Variants in HDAC5 observed in about 807,000 individuals in gnomAD.
HDAC5 encodes the protein antigen NY-CO-9.
Under a neutral mutation model 133.3 loss-of-function variants are expected in HDAC5, and 25 were observed. That is an observed-to-expected ratio of 0.19 (90% CI 0.14 to 0.26). HDAC5 has a LOEUF of 0.26. Among genes scored for constraint, HDAC5 ranks in the 10% least tolerant of loss-of-function variants. The probability of loss-of-function intolerance (pLI) is 1.00; values close to 1 mark genes in which losing one functional copy is unlikely to be tolerated. For synonymous variants in HDAC5, 589 were observed against 610.8 expected, an observed-to-expected ratio of 0.96 and a Z score of 0.53; for missense variants, 1,041 against 1,460.5, an observed-to-expected ratio of 0.71 and a Z score of 4.68.
chr17:44,087,638 T>A lies in HDAC5; in HGVS notation c.1658A>T (p.Glu553Val). The change falls in exon 13 of 27, where the codon GAG becomes GTG. Residue 553 changes from glutamate (E) to valine (V), a missense_variant. Physicochemically the swap from Glu to Val is moderately radical, Grantham distance 121. Coordinates refer to ENST00000682912, the MANE Select transcript of HDAC5 (RefSeq NM_005474.5). ...RQPTTHPEET[E>V]EELTEQQEVL... ...CTCCTGCTGCTCCGTCAGCTCCTCC[T>A]CTGTCTCCTCAGGGTGGGTGGTGGG... 6.2e-7 allele frequency: 1 copy of A among 1,613,196 alleles called. No individual in the cohort carries two copies. The highest frequency in any genetic ancestry group is 8.5e-7 in the Non-Finnish European group (1 of 1,179,550).
At chr17:44,091,928 C>T (rs761101487) in intron 9 of HDAC5, 97 bp from the exon 10 acceptor site, 24 of 1,386,832 alleles carry the variant, frequency 1.7e-5, no homozygotes, top group African/African-American at 4.3e-5. Flanking sequence ...CTGAATGGTG[C>T]CCAGTTCCCT....
At chr17:44,093,001 G>A (rs2051038892) in intron 6 of HDAC5, 91 bp downstream of exon 6, 1 of 894,440 alleles carries the variant, frequency 1.1e-6, no homozygotes, top group African/African-American at 1.7e-5. Context: ...GCCCGTATAT[G>A]GGCACGGGGA....
At chr17:44,092,052 T>G in intron 9 of HDAC5, 120 bp downstream of exon 9, 1 of 973,886 alleles carries the variant, frequency 1.0e-6, no homozygotes, top group South Asian at 1.6e-5. Context: ...AGCCTATTCA[T>G]GTGGGCAGAG....
chr17:44,086,504 T>G, intron 14 of HDAC5, 68 bp downstream of exon 14: 1 of 1,227,888 alleles, frequency 8.1e-7, no homozygotes, highest in Non-Finnish European at 1.0e-6. Context: ...CCCCCTGCCA[T>G]GGGGCAGACA....
chr17:44,115,076 G>A (rs150491103), intron 2 of HDAC5, among the ~76,000 whole-genome samples: 11 of 152,330 alleles, frequency 7.2e-5, no homozygotes, highest in African/African-American at 2.6e-4. Flanking sequence ...CATGTTCACT[G>A]TGAGGACCAG....
intron 11 of HDAC5, among the ~76,000 whole-genome samples, chr17:44,089,613 G>C (rs2143211924): frequency 6.6e-6 from 1 of 152,050 alleles, no homozygotes; most frequent in Non-Finnish European, 1.5e-5. Flanking sequence ...CAGGCATGGT[G>C]GCACATGCCT....
chr17:44,097,572 C>A (rs2051347205), intron 3 of HDAC5, among the ~76,000 whole-genome samples: 1 of 152,250 alleles, frequency 6.6e-6, no homozygotes, highest in Non-Finnish European at 1.5e-5. Flanking sequence ...CTCCCCAGCC[C>A]GTGAAGTGCT....
intron 3 of HDAC5, among the ~76,000 whole-genome samples, chr17:44,095,304 C>T (rs546429960): frequency 8.5e-5 from 13 of 152,326 alleles, no homozygotes; most frequent in Admixed American, 5.2e-4. Context: ...CTTTTAACCA[C>T]TGTGCCCGCT....
At position 44,081,167 on chromosome 17, in the gene HDAC5, T is replaced by C. The variant is rs564886180; in HGVS notation, c.2608-285A>G. On this transcript the variant is annotated intron_variant, in intron 20 of 26. Transcript: ENST00000682912. The stretch of plus-strand genomic sequence containing the variant: ...AAAACCATGGGATAAATGTGGCATA[T>C]CTCCCTACAGAACCCATTCCACCTC... Among the ~76,000 whole-genome samples, 8 of 152,266 alleles carry C rather than the reference T, an allele frequency of 5.3e-5. No individual in the cohort carries two copies. The South Asian group carries it at 1.7e-3, about 32-fold the overall frequency.
chr17:44,094,554 T>C (rs1456845069), intron 3 of HDAC5, among the ~76,000 whole-genome samples: 1 of 151,816 alleles, frequency 6.6e-6, no homozygotes, highest in Admixed American at 6.6e-5. Context: ...GGAGAATCGC[T>C]TGAACCCTGG....
chr17:44,083,636 A>G lies in HDAC5; in HGVS notation c.2372T>C (p.Val791Ala). The G allele has an allele frequency of 6.2e-7, 1 of 1,613,956 alleles. No homozygotes were observed. Among genetic ancestry groups the G allele is most frequent in the Admixed American group, 1.7e-5 (1 of 60,010 alleles). The change falls in exon 18 of 27, where the codon GTG becomes GCG. Residue 791 changes from valine to alanine, a missense_variant. Coordinates refer to ENST00000682912, the MANE Select transcript of HDAC5 (RefSeq NM_005474.5). ...ACTGGAGGAGTGCATCTCATTCCAC[A>G]CGGTGTCACTGTCCACCTGCAGGGC... ...CGGIGVDSDTVWNEMHSSSAV... is the reference protein window; with the variant it reads ...CGGIGVDSDTAWNEMHSSSAV...
At position 44,117,613 on chromosome 17, in the gene HDAC5, G is replaced by T; in HGVS notation, c.-98C>A. 2 of 1,424,740 alleles carry T rather than the reference G, an allele frequency of 1.4e-6. No homozygotes were observed. Among genetic ancestry groups the T allele is most frequent in the Non-Finnish European group, 2.0e-6 (2 of 1,020,354 alleles). 88.3% of individuals were successfully genotyped at this position (1,424,740 alleles called of 1,614,324 possible). The stretch of plus-strand genomic sequence containing the variant: ...GAGAGACAGACGATAACAGACAGAC[G>T]GACGGGACGGGAGCCCGGGGCCGCC... On this transcript the variant is annotated 5_prime_UTR_variant, in exon 2 of 27. Coordinates refer to ENST00000682912, the MANE Select transcript of HDAC5 (RefSeq NM_005474.5). The surrounding 1 kb of genome is among the most constrained non-coding windows in gnomAD (Gnocchi z 4.2).
intron 2 of HDAC5, among the ~76,000 whole-genome samples, chr17:44,112,943 C>G (rs901225403): frequency 2.0e-5 from 3 of 152,326 alleles, no homozygotes; most frequent in Admixed American, 1.3e-4. Context: ...TCTTGTTCAC[C>G]ACCCCTTGCC....
Position 44,123,630 on chromosome 17 carries a change from A to G in HDAC5, c.-316T>C. 1 of 394,938 alleles carries G rather than the reference A, an allele frequency of 2.5e-6. No homozygotes were observed. The highest frequency in any genetic ancestry group is 4.5e-6 in the Non-Finnish European group (1 of 223,972). 24.5% of individuals were successfully genotyped at this position (394,938 alleles called of 1,614,324 possible). A position where few individuals can be genotyped will look rare whatever the true frequency, so the allele number is the denominator to read the frequency against. On this transcript the variant is annotated 5_prime_UTR_variant, in exon 1 of 27. Coordinates refer to ENST00000682912, the MANE Select transcript of HDAC5 (RefSeq NM_005474.5). The stretch of plus-strand genomic sequence containing the variant: ...TCCTCCGGCTCCGCTCGCCGCCGCC[A>G]CCAACAACAACATTCGGAGACGTCA...
chr17:44,084,069 G>A (rs1467802690), intron 16 of HDAC5, among the ~76,000 whole-genome samples: 1 of 151,646 alleles, frequency 6.6e-6, no homozygotes, highest in East Asian at 1.9e-4. Flanking sequence ...AGGTCGCAGT[G>A]AGCTGAGATC....
At chr17:44,098,973 G>A (rs1286216368) in intron 3 of HDAC5, among the ~76,000 whole-genome samples, 7 of 151,824 alleles carry the variant, frequency 4.6e-5, no homozygotes, top group East Asian at 1.9e-4. Context: ...AAAATTAGCC[G>A]GGTGTGGTGA....
rs374990699 is a variant in HDAC5, at chr17:44,092,382, C to T, written c.918G>A (p.Gly306=). The T allele has an allele frequency of 1.2e-6, 2 of 1,612,242 alleles. No individual in the cohort carries two copies. Among genetic ancestry groups the T allele is most frequent in the South Asian group, 1.1e-5 (1 of 91,052 alleles). ...CAGGTACATGAGAGCAGCCCTTACC[C>T]CCAGGCCCGGCACCTGTGATCTCAA... ...RAVEITGAGP[G]ASSVCNSAPG... Residue 306 remains glycine (G), a splice_region_variant and synonymous_variant, in exon 8 of 27, where the codon GGG becomes GGA. Transcript: ENST00000682912.
At chr17:44,110,248 G>C (rs953953047) in intron 3 of HDAC5, among the ~76,000 whole-genome samples, 1 of 152,178 alleles carries the variant, frequency 6.6e-6, no homozygotes, top group Non-Finnish European at 1.5e-5. Context: ...TCCTGGCTGG[G>C]GACTTGCGGA....
At chr17:44,101,410 CAAAA>C (rs35671008) in intron 3 of HDAC5, among the ~76,000 whole-genome samples, 21 of 66,792 alleles carry the variant, frequency 3.1e-4, no homozygotes, top group South Asian at 2.0e-3. Flanking sequence ...GACTCCGTCT[CAAAA>C]AAAAAAAAAA....
Sources: allele counts gnomAD v4.1 joint callset (sites outside exome capture counted in the v4.1 genomes callset), GRCh38; gene constraint gnomAD v4.1.1; non-coding constraint Gnocchi (gnomAD v3.1); transcripts MANE v1.5; gene names NCBI Gene and HGNC (gene_info 2026-07-23, HGNC 2026-07-21).